PDSS2: variants seen among roughly 807,000 people sequenced by gnomAD.
The protein encoded by PDSS2 is decaprenyl diphosphate synthase subunit 2.
A neutral mutation model predicts 44.5 loss-of-function variants in PDSS2; 31 were observed. The ratio of observed to expected loss-of-function variants is 0.70; its 90% CI spans 0.52 to 0.94. PDSS2 has a LOEUF of 0.94. Ranked by LOEUF, PDSS2 falls within the 40% of genes least tolerant of loss-of-function variation. The probability of loss-of-function intolerance (pLI) is 0.00; values close to 1 mark genes in which losing one functional copy is unlikely to be tolerated. For missense variants in PDSS2, 452 were observed against 482.2 expected (o/e 0.94, Z 0.59); for synonymous variants, 157 against 180.3 (o/e 0.87, Z 1.03).
At chr6:107,411,862 CTG>C (rs1254015006) in intron 1 of PDSS2, among the ~76,000 whole-genome samples, 1 of 145,730 alleles carries the variant, frequency 6.9e-6, no homozygotes, top group Non-Finnish European at 1.5e-5. Context: ...TGAGGAATAA[CTG>C]TACTTCTTCT....
At chr6:107,412,389 C>A (rs1044754360) in intron 1 of PDSS2, among the ~76,000 whole-genome samples, 1 of 151,950 alleles carries the variant, frequency 6.6e-6, no homozygotes, top group Non-Finnish European at 1.5e-5. Flanking sequence ...CAGGCACCCG[C>A]CACCATGCCC....
intron 5 of PDSS2, among the ~76,000 whole-genome samples, chr6:107,210,972 G>C (rs1345336949): frequency 6.6e-6 from 1 of 150,734 alleles, no homozygotes; most frequent in Admixed American, 6.6e-5. Flanking sequence ...CTCCCCTCTG[G>C]GCGAGAGCAA....
chr6:107,447,846 C>T (rs767697498), intron 1 of PDSS2, among the ~76,000 whole-genome samples: 6 of 152,246 alleles, frequency 3.9e-5, no homozygotes, highest in African/African-American at 1.2e-4. Flanking sequence ...AGGGCTCCAC[C>T]TCTGCAGCAG....
At chr6:107,288,951 G>T (rs1159981566) in intron 2 of PDSS2, among the ~76,000 whole-genome samples, 2 of 150,100 alleles carry the variant, frequency 1.3e-5, no homozygotes, top group African/African-American at 4.9e-5. Context: ...GTAGAGACGG[G>T]GTTTCACCAT....
intron 7 of PDSS2, among the ~76,000 whole-genome samples, chr6:107,175,844 G>C (rs1771766564): frequency 6.6e-6 from 1 of 152,106 alleles, no homozygotes; most frequent in East Asian, 1.9e-4. Flanking sequence ...TAAAGGCACT[G>C]AGCAAGACAG....
chr6:107,451,447 C>A (rs1254781033), intron 1 of PDSS2, among the ~76,000 whole-genome samples: 1 of 152,034 alleles, frequency 6.6e-6, no homozygotes, highest in Admixed American at 6.6e-5. Flanking sequence ...CACTGCCGCA[C>A]CACAAATCTA....
intron 6 of PDSS2, among the ~76,000 whole-genome samples, chr6:107,198,726 C>A (rs1242585901): frequency 6.6e-6 from 1 of 151,998 alleles, no homozygotes; most frequent in African/African-American, 2.4e-5. Context: ...GAGACCAAGG[C>A]GGGCAGATCA....
chr6:107,254,887 G>A (rs1422130323), intron 3 of PDSS2, among the ~76,000 whole-genome samples: 1 of 150,442 alleles, frequency 6.6e-6, no homozygotes, highest in African/African-American at 2.4e-5. Flanking sequence ...TTTTTTAGAT[G>A]GAGTCTCGCT....
chr6:107,436,621 C>A (rs557437329), intron 1 of PDSS2, among the ~76,000 whole-genome samples: 7 of 152,084 alleles, frequency 4.6e-5, no homozygotes, highest in Non-Finnish European at 8.8e-5. Context: ...TTAAAGGATA[C>A]AAAATTTCAG....
intron 1 of PDSS2, among the ~76,000 whole-genome samples, chr6:107,458,271 G>A (rs1419442585): frequency 6.6e-6 from 1 of 151,638 alleles, no homozygotes; most frequent in African/African-American, 2.4e-5. Context: ...GGATCACGAG[G>A]TCAGGAGATT....
chr6:107,376,665 C>T (rs1391580713), intron 1 of PDSS2, among the ~76,000 whole-genome samples: 3 of 152,048 alleles, frequency 2.0e-5, no homozygotes, highest in African/African-American at 7.2e-5. Context: ...TGGGCTGAGA[C>T]AATGGGGTTT....
At chr6:107,234,523 ATT>A (rs11313991) in intron 4 of PDSS2, among the ~76,000 whole-genome samples, 21 of 147,326 alleles carry the variant, frequency 1.4e-4, no homozygotes, top group East Asian at 5.9e-4. Flanking sequence ...ATCTTACTAG[ATT>A]TTTTTTTTTT....
chr6:107,185,120 A>C (rs987508119), intron 7 of PDSS2, among the ~76,000 whole-genome samples: 2 of 96,860 alleles, frequency 2.1e-5, no homozygotes, highest in African/African-American at 7.4e-5. Flanking sequence ...GAGACCTTAT[A>C]TCTAAAAAAA....
chr6:107,399,616 G>T (rs1171444030), intron 1 of PDSS2, among the ~76,000 whole-genome samples: 1 of 152,014 alleles, frequency 6.6e-6, no homozygotes, highest in Non-Finnish European at 1.5e-5. Context: ...ATAGTAATGT[G>T]CTATTCATTT....
chr6:107,366,234 G>A (rs1393525958), intron 1 of PDSS2, among the ~76,000 whole-genome samples: 1 of 151,718 alleles, frequency 6.6e-6, no homozygotes, highest in East Asian at 1.9e-4. Flanking sequence ...AAGAAATAGG[G>A]GAAAACCCAA....
chr6:107,216,428 G>A (rs935006147), intron 4 of PDSS2, among the ~76,000 whole-genome samples: 5 of 151,494 alleles, frequency 3.3e-5, no homozygotes, highest in South Asian at 2.1e-4. Context: ...AGCTGAGATT[G>A]CGCCACTGCA....
At chr6:107,217,122 G>A (rs1773438652) in intron 4 of PDSS2, among the ~76,000 whole-genome samples, 1 of 152,118 alleles carries the variant, frequency 6.6e-6, no homozygotes, top group Non-Finnish European at 1.5e-5. Context: ...AGGAGACAAA[G>A]GACAATGAGG....
chr6:107,310,859 C>T (rs964807895), intron 2 of PDSS2, among the ~76,000 whole-genome samples: 3 of 151,726 alleles, frequency 2.0e-5, no homozygotes, highest in Admixed American at 2.0e-4. Context: ...AGCTCCTACA[C>T]ATTAAACTCA....
At chr6:107,325,483 C>T (rs1777515692) in intron 2 of PDSS2, among the ~76,000 whole-genome samples, 1 of 152,132 alleles carries the variant, frequency 6.6e-6, no homozygotes, top group South Asian at 2.1e-4. Context: ...TGATGGTGTC[C>T]ATTTGAACAG....
Sources: allele counts gnomAD v4.1 joint callset (sites outside exome capture counted in the v4.1 genomes callset), GRCh38; gene constraint gnomAD v4.1.1; transcripts MANE v1.5; gene names NCBI Gene and HGNC (gene_info 2026-07-23, HGNC 2026-07-21).